The following TRHDE variants were observed in gnomAD, a reference collection of about 807,000 sequenced individuals.
The protein encoded by TRHDE is thyrotropin releasing hormone degrading enzyme.
Under a neutral mutation model 125.7 loss-of-function variants are expected in TRHDE, and 72 were observed. The ratio of observed to expected loss-of-function variants is 0.57; its 90% CI spans 0.47 to 0.70. The LOEUF is 0.70. Ranked by LOEUF, TRHDE falls within the 30% of genes least tolerant of loss-of-function variation. The pLI is 0.00. For synonymous variants in TRHDE, 509 were observed against 509.1 expected, an observed-to-expected ratio of 1.00 and a Z score of 0.00; for missense variants, 1,110 against 1,327.1, an observed-to-expected ratio of 0.84 and a Z score of 2.54.
At chr12:72,454,623 T>G (rs1395467517) in intron 3 of TRHDE, among the ~76,000 whole-genome samples, 2 of 152,202 alleles carry the variant, frequency 1.3e-5, no homozygotes, top group Non-Finnish European at 2.9e-5. Flanking sequence ...ATGGATAGTC[T>G]TAAGCAAACT....
intron 15 of TRHDE, among the ~76,000 whole-genome samples, chr12:72,637,199 C>T (rs1873797219): frequency 6.6e-6 from 1 of 152,112 alleles, no homozygotes; most frequent in African/African-American, 2.4e-5. Flanking sequence ...TTGGTCTATT[C>T]AGAGATTCAA....
At chr12:72,536,923 C>A (rs1279085180) in intron 6 of TRHDE, among the ~76,000 whole-genome samples, 1 of 152,042 alleles carries the variant, frequency 6.6e-6, no homozygotes, top group Non-Finnish European at 1.5e-5. Flanking sequence ...CTCAGTAACT[C>A]TAAGAATTTC....
At chr12:72,120,853 G>C (rs1189874462) in intron 2 of TRHDE, among the ~76,000 whole-genome samples, 1 of 151,150 alleles carries the variant, frequency 6.6e-6, no homozygotes, top group Non-Finnish European at 1.5e-5. Flanking sequence ...TAATTTTTTT[G>C]TATTTTAGTA....
At chr12:72,640,068 C>G (rs1873976245) in intron 15 of TRHDE, among the ~76,000 whole-genome samples, 2 of 152,204 alleles carry the variant, frequency 1.3e-5, no homozygotes, top group South Asian at 2.1e-4. Flanking sequence ...TTTACCTAAG[C>G]AAGCCTGGGC....
intron 3 of TRHDE, among the ~76,000 whole-genome samples, chr12:72,461,956 T>C (rs1200968084): frequency 2.0e-5 from 3 of 152,196 alleles, no homozygotes; most frequent in Non-Finnish European, 4.4e-5. Flanking sequence ...ACTCATTTAA[T>C]CTTCACAGCA....
At chr12:72,344,236 A>G (rs1485071823) in intron 2 of TRHDE, among the ~76,000 whole-genome samples, 2 of 152,174 alleles carry the variant, frequency 1.3e-5, no homozygotes, top group Admixed American at 1.3e-4. Flanking sequence ...ACATTTCTGA[A>G]ATGGGCATAA....
chr12:72,539,567 T>A (rs774054019), intron 6 of TRHDE, among the ~76,000 whole-genome samples: 2 of 151,860 alleles, frequency 1.3e-5, no homozygotes, highest in Non-Finnish European at 2.9e-5. Flanking sequence ...GGACACAGTT[T>A]TTTCTCTGGG....
Position 72,484,975 on chromosome 12 carries a change from G to A in TRHDE, c.1584+11795G>A, listed in dbSNP as rs116946267. Among the ~76,000 whole-genome samples the A allele has an allele frequency of 2.2e-4, 33 of 152,226 alleles. No homozygotes were observed. In the East Asian group the frequency reaches 6.2e-3, roughly 29 times the overall value. Reference sequence around the variant, plus strand: ...CATAGGGAAGGGAAGGAAATTCATTGCCTCCGTCACCCCATTCCCTGAGTT... The same window carrying A: ...CATAGGGAAGGGAAGGAAATTCATTACCTCCGTCACCCCATTCCCTGAGTT... On this transcript the variant is annotated intron_variant, in intron 5 of 18. Coordinates refer to ENST00000261180, the MANE Select transcript of TRHDE (RefSeq NM_013381.3).
intron 12 of TRHDE, among the ~76,000 whole-genome samples, chr12:72,586,686 T>C (rs181660030): frequency 4.2e-4 from 63 of 151,418 alleles, no homozygotes; most frequent in African/African-American, 1.5e-3. Flanking sequence ...TAACGGGAGG[T>C]AGCAGAGGTT....
chr12:72,493,439 A>G (rs1391193828), intron 5 of TRHDE, among the ~76,000 whole-genome samples: 1 of 151,956 alleles, frequency 6.6e-6, no homozygotes, highest in Non-Finnish European at 1.5e-5. Flanking sequence ...TAATTGGTGC[A>G]ATGTGTTTTG....
chr12:72,580,966 T>C (rs1871198372), intron 12 of TRHDE, among the ~76,000 whole-genome samples: 1 of 152,032 alleles, frequency 6.6e-6, no homozygotes, highest in Admixed American at 6.5e-5. Flanking sequence ...ATGGAAAACA[T>C]CAAAATATCC....
chr12:72,489,308 T>G (rs1877555414), intron 5 of TRHDE, among the ~76,000 whole-genome samples: 2 of 147,652 alleles, frequency 1.4e-5, no homozygotes, highest in Admixed American at 1.3e-4. Flanking sequence ...AAAATTAAAG[T>G]GAAGAAGTTT....
intron 2 of TRHDE, among the ~76,000 whole-genome samples, chr12:72,355,937 T>G (rs1487818046): frequency 6.6e-6 from 1 of 151,694 alleles, no homozygotes; most frequent in Non-Finnish European, 1.5e-5. Flanking sequence ...AAGGGAATGC[T>G]TATACAGTGT....
intron 2 of TRHDE, among the ~76,000 whole-genome samples, chr12:72,107,655 A>G (rs1349191185): frequency 1.3e-5 from 2 of 152,102 alleles, no homozygotes; most frequent in Non-Finnish European, 2.9e-5. Context: ...TGCCCATGGC[A>G]TTTGCAGACA....
intron 2 of TRHDE, among the ~76,000 whole-genome samples, chr12:72,307,057 G>T (rs116602899): frequency 0.017 from 2,553 of 152,258 alleles, 67 homozygotes; most frequent in African/African-American, 0.058. Context: ...GTGTGCATGT[G>T]TAGGTAGGGC....
chr12:72,384,789 T>TA (rs1872342231), intron 3 of TRHDE, among the ~76,000 whole-genome samples: 2 of 152,046 alleles, frequency 1.3e-5, no homozygotes, highest in South Asian at 4.1e-4. Flanking sequence ...AACATATATA[T>TA]TTTTTATTGT....
intron 2 of TRHDE, among the ~76,000 whole-genome samples, chr12:72,164,984 T>C (rs1876713327): frequency 2.0e-5 from 3 of 152,206 alleles, no homozygotes. Flanking sequence ...GCATTTACCC[T>C]ACAGCTGACA....
intron 12 of TRHDE, among the ~76,000 whole-genome samples, chr12:72,589,251 C>G (rs1477629843): frequency 2.6e-5 from 4 of 152,102 alleles, no homozygotes; most frequent in Admixed American, 2.6e-4. Context: ...TTCTTATGAT[C>G]GATCTGATTT....
intron 3 of TRHDE, among the ~76,000 whole-genome samples, chr12:72,461,813 G>A (rs1431969303): frequency 6.6e-6 from 1 of 152,036 alleles, no homozygotes; most frequent in African/African-American, 2.4e-5. Context: ...TTGAAAATAA[G>A]ACTCCTCCTC....
Sources: allele counts gnomAD v4.1 joint callset (sites outside exome capture counted in the v4.1 genomes callset), GRCh38; gene constraint gnomAD v4.1.1; transcripts MANE v1.5; gene names NCBI Gene and HGNC (gene_info 2026-07-23, HGNC 2026-07-21).